DAB1: variants seen among roughly 807,000 people sequenced by gnomAD.
The protein encoded by DAB1 is DAB adaptor protein 1.
DAB1 carries 15 observed loss-of-function variants against 64.6 expected under a neutral mutation model. The ratio of observed to expected loss-of-function variants is 0.23; its 90% CI spans 0.16 to 0.36. The LOEUF is 0.36. Ranked by LOEUF, DAB1 falls within the 10% of genes least tolerant of loss-of-function variation. The pLI is 1.00. For synonymous variants in DAB1, 235 were observed against 251.9 expected (o/e 0.93, Z 0.64); for missense variants, 596 against 706.7 (o/e 0.84, Z 1.78).
chr1:57,630,047 G>C (rs1015772123), intron 7 of DAB1, among the ~76,000 whole-genome samples: 1 of 152,164 alleles, frequency 6.6e-6, no homozygotes. Flanking sequence ...CCAATTTCTT[G>C]AGATATCCCT....
intron 3 of DAB1, among the ~76,000 whole-genome samples, chr1:58,463,655 C>A (rs762618622): frequency 4.6e-5 from 7 of 152,216 alleles, no homozygotes; most frequent in Non-Finnish European, 8.8e-5. Context: ...GCACATCCTG[C>A]ATGCATAAAT....
chr1:57,397,043 G>A (rs1321981168), intron 1 of DAB1, among the ~76,000 whole-genome samples: 1 of 152,120 alleles, frequency 6.6e-6, no homozygotes, highest in Non-Finnish European at 1.5e-5. Flanking sequence ...TTATTCAACA[G>A]AAATCATCAA....
intron 3 of DAB1, among the ~76,000 whole-genome samples, chr1:58,501,128 TAACTAC>T (rs1008478382): frequency 6.6e-6 from 1 of 152,196 alleles, no homozygotes; most frequent in African/African-American, 2.4e-5. Flanking sequence ...ATCAGCTTAT[TAACTAC>T]AAGTAATATT....
At chr1:57,555,379 G>A (rs1570622614) in intron 7 of DAB1, among the ~76,000 whole-genome samples, 1 of 132,256 alleles carries the variant, frequency 7.6e-6, no homozygotes, top group Admixed American at 8.3e-5. Flanking sequence ...CTCTCTTTAT[G>A]TCTGTCTCTG....
rs77938213 is a variant in DAB1, at chr1:57,106,027, G to A, written c.306+30516C>T. Among the ~76,000 whole-genome samples the A allele has an allele frequency of 2.1e-3, 327 of 152,232 alleles. 4 individuals are homozygous for A. The highest frequency in any genetic ancestry group is 7.6e-3 in the African/African-American group (316 of 41,548). The stretch of plus-strand genomic sequence containing the variant: ...TAACCTCTGTAAGCCTCGGGATCCC[G>A]ATCTGTCAAATGCAAAGACTAAAAC... On this transcript the variant is annotated intron_variant, in intron 4 of 14. Transcript: ENST00000371236.
At chr1:58,259,926 T>C (rs1026954098) in intron 4 of DAB1, among the ~76,000 whole-genome samples, 1 of 152,212 alleles carries the variant, frequency 6.6e-6, no homozygotes, top group African/African-American at 2.4e-5. Context: ...AAGTGCCTTA[T>C]ACATATTAAA....
At chr1:58,267,126 A>T (rs756437866) in intron 4 of DAB1, among the ~76,000 whole-genome samples, 2 of 152,200 alleles carry the variant, frequency 1.3e-5, no homozygotes, top group Non-Finnish European at 2.9e-5. Flanking sequence ...AGGGTAGGAC[A>T]GGAGAATTGC....
rs952938496 is a variant in DAB1 at position 58,518,499 on chromosome 1, A to T, written n.107+8762T>A. Among the ~76,000 whole-genome samples the T allele has an allele frequency of 6.6e-5, 10 of 152,076 alleles. No individual in the cohort carries two copies. In the East Asian group the frequency reaches 1.2e-3, roughly 18 times the overall value. The stretch of plus-strand genomic sequence containing the variant: ...ACTGGAGTCAATGAAAGCTATCATG[A>T]GCCTGCTACAGAAGTTTAGGTAAAA... On this transcript the variant is annotated intron_variant and non_coding_transcript_variant, in intron 2 of 20. Coordinates refer to the DAB1 transcript ENST00000485760.
rs557368633 is a variant in DAB1, at chr1:58,323,432, T to C, written n.309+19920A>G. Among the ~76,000 whole-genome samples, 408 of 152,190 alleles carry C rather than the reference T, an allele frequency of 2.7e-3. 5 individuals are homozygous for C. Among genetic ancestry groups the C allele is most frequent in the African/African-American group, 8.8e-3 (364 of 41,514 alleles). Reference sequence around the variant, plus strand: ...TAGTATTCTGAGTCTTATCTTCGTATCTAGGCAGATCACCAAGAACCTGTG... The same window carrying C: ...TAGTATTCTGAGTCTTATCTTCGTACCTAGGCAGATCACCAAGAACCTGTG... On this transcript the variant is annotated intron_variant and non_coding_transcript_variant, in intron 4 of 20. Coordinates refer to the DAB1 transcript ENST00000485760.
At chr1:57,511,164 C>T (rs1331820138) in intron 7 of DAB1, among the ~76,000 whole-genome samples, 5 of 152,178 alleles carry the variant, frequency 3.3e-5, no homozygotes, top group African/African-American at 1.2e-4. Flanking sequence ...ATGTTCTACA[C>T]AGTGGAACCA....
intron 2 of DAB1, among the ~76,000 whole-genome samples, chr1:57,217,688 T>A (rs1328620055): frequency 2.6e-5 from 4 of 152,178 alleles, no homozygotes. Flanking sequence ...AGTCATTTTT[T>A]ATTTTCCTGA....
chr1:57,967,399 G>C (rs1011482209), intron 5 of DAB1, among the ~76,000 whole-genome samples: 2 of 152,144 alleles, frequency 1.3e-5, no homozygotes, highest in East Asian at 3.8e-4. Context: ...CCACTATCAA[G>C]GCTGTGATGA....
At chr1:57,236,563 A>G (rs1329178605) in intron 2 of DAB1, among the ~76,000 whole-genome samples, 2 of 152,252 alleles carry the variant, frequency 1.3e-5, no homozygotes, top group African/African-American at 4.8e-5. Context: ...TCAGTATACC[A>G]GTAACATTAA....
At chr1:57,687,555 T>A (rs1570738035) in intron 6 of DAB1, among the ~76,000 whole-genome samples, 1 of 75,362 alleles carries the variant, frequency 1.3e-5, no homozygotes. Context: ...AACTCATATG[T>A]AACAACAACA....
chr1:57,794,299 C>T (rs1041412766), intron 6 of DAB1, among the ~76,000 whole-genome samples: 1 of 152,164 alleles, frequency 6.6e-6, no homozygotes, highest in African/African-American at 2.4e-5. Flanking sequence ...AGGGTAAAGT[C>T]CAAACTCCTC....
chr1:58,205,832 T>C (rs1271447053), intron 4 of DAB1, among the ~76,000 whole-genome samples: 1 of 152,226 alleles, frequency 6.6e-6, no homozygotes, highest in African/African-American at 2.4e-5. Context: ...CCTGGAACCC[T>C]GTCTGATGCT....
At chr1:57,915,856 A>C (rs569075768) in intron 5 of DAB1, among the ~76,000 whole-genome samples, 33 of 152,256 alleles carry the variant, frequency 2.2e-4, no homozygotes, top group Non-Finnish European at 3.7e-4. Flanking sequence ...TCTTGGGAAG[A>C]GCTCTCTTTG....
chr1:57,647,910 A>G (rs1168640478), intron 7 of DAB1, among the ~76,000 whole-genome samples: 1 of 152,086 alleles, frequency 6.6e-6, no homozygotes, highest in Non-Finnish European at 1.5e-5. Context: ...GAAAGCTTTT[A>G]CTCCATTGCT....
rs770388855 is a variant in DAB1, at chr1:58,300,610, AAGAGAGAGAG to A, written n.309+42732_309+42741del. Among the ~76,000 whole-genome samples, 20 of 47,044 alleles carry A rather than the reference AAGAGAGAGAG, an allele frequency of 4.3e-4. 1 individual carries two copies. The highest frequency in any genetic ancestry group is 8.6e-4 in the East Asian group (1 of 1,164). The allele number at this position is 47,044 out of a possible 152,430, so 30.9% of individuals were successfully genotyped here. On this transcript the variant is annotated intron_variant and non_coding_transcript_variant, in intron 4 of 20. Transcript: ENST00000485760. ...AAAGAAAGAAAGAAAGAAAGAAAGA[AAGAGAGAGAG>A]AGAGAGAGAGAGAGAGAGAGAGAGA...
Sources: gnomAD v4.1 joint callset for allele counts (sites outside exome capture counted in the v4.1 genomes callset) on GRCh38, gnomAD v4.1.1 for gene constraint, MANE v1.5 for transcripts, NCBI Gene and HGNC (gene_info 2026-07-23, HGNC 2026-07-21) for gene names.